The following TBC1D22A variants were observed in gnomAD, a reference collection of about 807,000 sequenced individuals.
The protein encoded by TBC1D22A is putative GTPase activator.
A neutral mutation model predicts 60.2 loss-of-function variants in TBC1D22A; 38 were observed. That is an observed-to-expected ratio of 0.63 (90% CI 0.49 to 0.83). The LOEUF (loss-of-function observed/expected upper bound fraction) is 0.83, where lower values mean the gene tolerates loss of function less well. Among genes scored for constraint, TBC1D22A ranks in the 40% least tolerant of loss-of-function variants. The pLI is 0.00. For missense variants in TBC1D22A, 628 were observed against 701.0 expected, an observed-to-expected ratio of 0.90 and a Z score of 1.18; for synonymous variants, 302 against 281.7, an observed-to-expected ratio of 1.07 and a Z score of -0.72.
At chr22:47,106,248 A>G (rs2147698059) in intron 11 of TBC1D22A, among the ~76,000 whole-genome samples, 1 of 152,352 alleles carries the variant, frequency 6.6e-6, no homozygotes, top group Non-Finnish European at 1.5e-5. Flanking sequence ...AATGGGTGCA[A>G]ATGGATGTTT....
intron 8 of TBC1D22A, among the ~76,000 whole-genome samples, chr22:46,917,446 G>T (rs569243988): frequency 2.0e-5 from 3 of 152,268 alleles, no homozygotes; most frequent in African/African-American, 7.2e-5. Flanking sequence ...AAGGTGGCTT[G>T]GTGTGAGTAG....
chr22:46,789,434 C>T (rs947681417), intron 1 of TBC1D22A: 4 of 410,850 alleles, frequency 9.7e-6, no homozygotes, highest in Non-Finnish European at 2.0e-5. Flanking sequence ...TAGGAATCAT[C>T]ATAGAACAGT....
Position 47,024,011 on chromosome 22 carries a change from A to G in TBC1D22A, c.1202-13060A>G, listed in dbSNP as rs139087444. Among the ~76,000 whole-genome samples, 17 of 152,370 alleles carry G rather than the reference A, an allele frequency of 1.1e-4. No individual in the cohort carries two copies. The East Asian group carries it at 2.3e-3, about 21-fold the overall frequency. On this transcript the variant is annotated intron_variant, in intron 10 of 12. Transcript: ENST00000337137. ...GTTAAAGCAGAAACAATAACAGTGT[A>G]CTGTGGGTTTTCTAACACATGCCGC... is the stretch of plus-strand genomic sequence containing the variant.
chr22:46,835,303 C>T (rs1423541395), intron 4 of TBC1D22A, among the ~76,000 whole-genome samples: 2 of 152,118 alleles, frequency 1.3e-5, no homozygotes, highest in East Asian at 3.8e-4. Context: ...TACAAATTTC[C>T]TGACAAAGAA....
chr22:47,152,968 A>G (rs1191036429), intron 12 of TBC1D22A, among the ~76,000 whole-genome samples: 7 of 152,222 alleles, frequency 4.6e-5, no homozygotes, highest in Non-Finnish European at 1.0e-4. Context: ...AAGGAAAAAA[A>G]AAATCACAGC....
At chr22:47,170,959 G>A (rs892561106) in intron 12 of TBC1D22A, among the ~76,000 whole-genome samples, 1 of 152,218 alleles carries the variant, frequency 6.6e-6, no homozygotes, top group Non-Finnish European at 1.5e-5. Context: ...GCGCAGCTCC[G>A]GGATGGCCGG....
intron 12 of TBC1D22A, among the ~76,000 whole-genome samples, chr22:47,111,865 C>T (rs1402971434): frequency 6.6e-6 from 1 of 152,194 alleles, no homozygotes; most frequent in Admixed American, 6.5e-5. Context: ...CAGAACCTTC[C>T]CTGGGGCAGC....
At chr22:47,006,041 TACAC>T (rs372207690) in intron 10 of TBC1D22A, among the ~76,000 whole-genome samples, 2 of 152,106 alleles carry the variant, frequency 1.3e-5, no homozygotes, top group African/African-American at 4.8e-5. Flanking sequence ...CACATGCCTT[TACAC>T]ACACACACAT....
intron 11 of TBC1D22A, among the ~76,000 whole-genome samples, chr22:47,067,808 G>T (rs376449400): frequency 8.5e-5 from 13 of 152,200 alleles, no homozygotes; most frequent in African/African-American, 3.1e-4. Context: ...ACAGAACTGT[G>T]CTTTGCTCAG....
chr22:46,968,137 G>A (rs761490169), intron 8 of TBC1D22A, among the ~76,000 whole-genome samples: 20 of 152,154 alleles, frequency 1.3e-4, no homozygotes, highest in Non-Finnish European at 2.2e-4. Flanking sequence ...TGGCTGCGGG[G>A]TTGTTGTATT....
intron 11 of TBC1D22A, among the ~76,000 whole-genome samples, chr22:47,061,057 C>T (rs866269369): frequency 1.2e-4 from 18 of 152,024 alleles, no homozygotes; most frequent in East Asian, 1.9e-4. Context: ...CTGTCTTCCT[C>T]GGTGCCCTCA....
At chr22:47,103,583 C>A (rs1032653843) in intron 11 of TBC1D22A, among the ~76,000 whole-genome samples, 1 of 152,082 alleles carries the variant, frequency 6.6e-6, no homozygotes, top group African/African-American at 2.4e-5. Flanking sequence ...GATAGGAGCC[C>A]GCTGAATTAG....
At position 47,076,341 on chromosome 22, in the gene TBC1D22A, G is replaced by A. The variant is rs999944805; in HGVS notation, c.1330-35167G>A. On this transcript the variant is annotated intron_variant, in intron 11 of 12. Coordinates refer to ENST00000337137, the MANE Select transcript of TBC1D22A (RefSeq NM_014346.5). The stretch of plus-strand genomic sequence containing the variant: ...TATATATGTATATGTGTGTGTGTGT[G>A]TATATATATATATGTGTGTGTATAT... Among the ~76,000 whole-genome samples the A allele has an allele frequency of 6.5e-4, 76 of 116,160 alleles. 1 individual carries two copies. Among genetic ancestry groups the A allele is most frequent in the African/African-American group, 1.3e-3 (39 of 30,620 alleles). 76.2% of individuals were successfully genotyped at this position (116,160 alleles called of 152,430 possible). A position where few individuals can be genotyped will look rare whatever the true frequency, so the allele number is the denominator to read the frequency against.
At chr22:46,775,067 A>G (rs935812633) in intron 1 of TBC1D22A, among the ~76,000 whole-genome samples, 1 of 152,234 alleles carries the variant, frequency 6.6e-6, no homozygotes, top group Non-Finnish European at 1.5e-5. Flanking sequence ...TGTTTATTGC[A>G]GTCGTCTGGA....
intron 12 of TBC1D22A, chr22:47,117,161 GATTGGCAGCTAGAAT>G (rs1374281289): frequency 2.6e-5 from 4 of 154,042 alleles, no homozygotes; most frequent in Non-Finnish European, 4.3e-5. Flanking sequence ...GCCGCGGGTG[GATTGGCAGCTAGAAT>G]ATAAGCAGCC....
intron 4 of TBC1D22A, among the ~76,000 whole-genome samples, chr22:46,836,311 A>G (rs1206252583): frequency 6.6e-6 from 1 of 152,244 alleles, no homozygotes; most frequent in Non-Finnish European, 1.5e-5. Context: ...TATGGTATCA[A>G]TAGCAAAATG....
At chr22:47,169,968 C>T (rs1311904188) in intron 12 of TBC1D22A, among the ~76,000 whole-genome samples, 2 of 152,264 alleles carry the variant, frequency 1.3e-5, no homozygotes, top group East Asian at 1.9e-4. Context: ...CGAGGGATGG[C>T]TTCGCCCGTG....
intron 4 of TBC1D22A, among the ~76,000 whole-genome samples, chr22:46,857,842 T>C (rs567333359): frequency 6.6e-6 from 1 of 152,378 alleles, no homozygotes; most frequent in East Asian, 1.9e-4. Context: ...TAAGATTCCA[T>C]TGAATGGATG....
intron 11 of TBC1D22A, among the ~76,000 whole-genome samples, chr22:47,083,332 C>G (rs1017882165): frequency 7.2e-6 from 1 of 139,342 alleles, no homozygotes; most frequent in Non-Finnish European, 1.5e-5. Flanking sequence ...ATGTTGAAAT[C>G]TAGAAATACT....
Sources: allele counts gnomAD v4.1 joint callset (sites outside exome capture counted in the v4.1 genomes callset), GRCh38; gene constraint gnomAD v4.1.1; transcripts MANE v1.5; gene names NCBI Gene and HGNC (gene_info 2026-07-23, HGNC 2026-07-21).